The following GRID1 variants were observed in gnomAD, a reference collection of about 807,000 sequenced individuals.
The protein encoded by GRID1 is glutamate ionotropic receptor delta type subunit 1.
Under a neutral mutation model 98.0 loss-of-function variants are expected in GRID1, and 28 were observed. The observed-to-expected ratio is 0.29, with a 90% CI of 0.21 to 0.39. The LOEUF is 0.39. GRID1 is among the 10% of genes least tolerant of loss of function. The probability of loss-of-function intolerance (pLI) is 1.00; values close to 1 mark genes in which losing one functional copy is unlikely to be tolerated. For synonymous variants in GRID1, 553 were observed against 538.5 expected, an observed-to-expected ratio of 1.03 and a Z score of -0.37; for missense variants, 1,111 against 1,340.5, an observed-to-expected ratio of 0.83 and a Z score of 2.67.
At chr10:85,997,908 C>A (rs1336160673) in intron 4 of GRID1, among the ~76,000 whole-genome samples, 1 of 151,870 alleles carries the variant, frequency 6.6e-6, no homozygotes, top group East Asian at 1.9e-4. Flanking sequence ...CAAATAAAAG[C>A]CAGAGTAGCT....
chr10:86,000,531 A>G (rs1247527537), intron 4 of GRID1, among the ~76,000 whole-genome samples: 3 of 152,228 alleles, frequency 2.0e-5, no homozygotes, highest in African/African-American at 7.2e-5. Context: ...ACTCACCATA[A>G]GTTATGGTAA....
chr10:86,334,601 T>C (rs1056895032), intron 2 of GRID1, among the ~76,000 whole-genome samples: 3 of 152,234 alleles, frequency 2.0e-5, no homozygotes, highest in Admixed American at 1.3e-4. Context: ...TCTTCTACTG[T>C]ATGCATAAGA....
chr10:85,915,456 C>T (rs1841602164), intron 5 of GRID1, among the ~76,000 whole-genome samples: 1 of 152,040 alleles, frequency 6.6e-6, no homozygotes, highest in Non-Finnish European at 1.5e-5. Context: ...GACACATACA[C>T]ACTTGTACAT....
At chr10:85,789,939 GCACCCGCCCT>G (rs1396444413) in intron 8 of GRID1, among the ~76,000 whole-genome samples, 1 of 152,194 alleles carries the variant, frequency 6.6e-6, no homozygotes, top group African/African-American at 2.4e-5. Context: ...TGCAGTGGCA[GCACCCGCCCT>G]CATGGCTCTT....
chr10:86,313,942 A>T (rs1237629179), intron 2 of GRID1, among the ~76,000 whole-genome samples: 3 of 152,126 alleles, frequency 2.0e-5, no homozygotes, highest in Admixed American at 6.5e-5. Context: ...CAATCTCATA[A>T]ATTAATTCCC....
At chr10:85,827,807 A>G (rs1842832982) in intron 8 of GRID1, among the ~76,000 whole-genome samples, 1 of 152,214 alleles carries the variant, frequency 6.6e-6, no homozygotes, top group Non-Finnish European at 1.5e-5. Flanking sequence ...GACCTTGAAA[A>G]GAGACTGAGA....
At chr10:85,656,842 C>T (rs1024697627) in intron 12 of GRID1, among the ~76,000 whole-genome samples, 1 of 152,196 alleles carries the variant, frequency 6.6e-6, no homozygotes, top group Admixed American at 6.5e-5. Context: ...TTGCTTCCAC[C>T]TTTAACCCCT....
chr10:85,977,651 C>T (rs1185451973), intron 4 of GRID1, among the ~76,000 whole-genome samples: 1 of 152,232 alleles, frequency 6.6e-6, no homozygotes, highest in Admixed American at 6.5e-5. Flanking sequence ...CCCTTGCACT[C>T]ACACTCAAGG....
At position 85,599,802 on chromosome 10, in the gene GRID1, A is replaced by AAAAATATATATATATAT; in HGVS notation, c.*2470_*2471insATATATATATATATTTT. On this transcript the variant is annotated 3_prime_UTR_variant, in exon 16 of 16. Transcript: ENST00000327946. ...GTAGAAAATTCTAAAAAAAAAAAAA[A>AAAAATATATATATATAT]ATATATATATATATATATAAACATG... 47 of 64,960 alleles carry AAAAATATATATATATAT rather than the reference A, an allele frequency of 7.2e-4. No homozygotes were observed. Among genetic ancestry groups the AAAAATATATATATATAT allele is most frequent in the Non-Finnish European group, 6.7e-4 (26 of 38,780 alleles). The allele number at this position is 64,960 out of a possible 1,614,324, so 4.0% of individuals were successfully genotyped here.
intron 4 of GRID1, among the ~76,000 whole-genome samples, chr10:85,985,939 C>T (rs2131864597): frequency 6.6e-6 from 1 of 152,328 alleles, no homozygotes; most frequent in South Asian, 2.1e-4. Context: ...GGTTTCATCT[C>T]TCAGAACATG....
intron 2 of GRID1, among the ~76,000 whole-genome samples, chr10:86,250,897 T>C (rs996152646): frequency 5.3e-5 from 8 of 152,178 alleles, no homozygotes; most frequent in African/African-American, 1.7e-4. Flanking sequence ...TTTTGTCGAA[T>C]AGAAAAGGGG....
chr10:85,783,523 GA>G (rs1842399090), intron 8 of GRID1, among the ~76,000 whole-genome samples: 3 of 152,200 alleles, frequency 2.0e-5, no homozygotes, highest in South Asian at 2.1e-4. Context: ...GAAACCCACT[GA>G]ATATAGCTCT....
At position 86,062,292 on chromosome 10, in the gene GRID1, G is replaced by A. The variant is rs748462205; in HGVS notation, c.726+76527C>T. On this transcript the variant is annotated intron_variant, in intron 4 of 15. Coordinates refer to ENST00000327946, the MANE Select transcript of GRID1 (RefSeq NM_017551.3). ...TACACACACACAGACACACACACACGCACACTTAAGATGAGGGTGAGGGTA... is the reference window on the plus strand; with the variant it reads ...TACACACACACAGACACACACACACACACACTTAAGATGAGGGTGAGGGTA... Among the ~76,000 whole-genome samples, 29 of 151,936 alleles carry A rather than the reference G, an allele frequency of 1.9e-4. 1 individual carries two copies. The highest frequency in any genetic ancestry group is 9.8e-4 in the Admixed American group (15 of 15,262).
chr10:85,622,041 G>A (rs1216651356), intron 13 of GRID1, among the ~76,000 whole-genome samples: 1 of 152,130 alleles, frequency 6.6e-6, no homozygotes, highest in Non-Finnish European at 1.5e-5. Context: ...GATGCTCCAA[G>A]AATGAAAACA....
intron 4 of GRID1, among the ~76,000 whole-genome samples, chr10:86,118,221 G>C: frequency 6.6e-6 from 1 of 152,142 alleles, no homozygotes; most frequent in Admixed American, 6.6e-5. Flanking sequence ...CCTAAGTAAA[G>C]TAACTTAGGA....
intron 3 of GRID1, among the ~76,000 whole-genome samples, chr10:86,167,927 C>T (rs1845424224): frequency 6.6e-6 from 1 of 152,184 alleles, no homozygotes; most frequent in African/African-American, 2.4e-5. Context: ...CCAGGCCAGG[C>T]TCACAGTGGG....
intron 8 of GRID1, among the ~76,000 whole-genome samples, chr10:85,793,689 T>C (rs1398855559): frequency 6.6e-6 from 1 of 152,102 alleles, no homozygotes; most frequent in Non-Finnish European, 1.5e-5. Context: ...ACTCCACAAA[T>C]GATAGCTATT....
chr10:85,972,620 T>C (rs1225936039), intron 4 of GRID1, among the ~76,000 whole-genome samples: 2 of 151,966 alleles, frequency 1.3e-5, no homozygotes, highest in African/African-American at 4.8e-5. Context: ...CAATAGTCTA[T>C]TGCGTGGCTA....
intron 2 of GRID1, among the ~76,000 whole-genome samples, chr10:86,286,280 C>T (rs183245174): frequency 1.3e-4 from 20 of 152,298 alleles, no homozygotes; most frequent in African/African-American, 2.9e-4. Context: ...ACAAGCATGA[C>T]GGTGAGCCTG....
Sources: allele counts gnomAD v4.1 joint callset (sites outside exome capture counted in the v4.1 genomes callset), GRCh38; gene constraint gnomAD v4.1.1; transcripts MANE v1.5; gene names NCBI Gene and HGNC (gene_info 2026-07-23, HGNC 2026-07-21).